Variants in AUTS2 observed in about 807,000 individuals in gnomAD.
The protein encoded by AUTS2 is autism susceptibility gene 2 protein.
AUTS2 carries 17 observed loss-of-function variants against 112.4 expected under a neutral mutation model. The observed-to-expected ratio is 0.15, with a 90% CI of 0.10 to 0.23. The LOEUF (loss-of-function observed/expected upper bound fraction) is 0.23, where lower values mean the gene tolerates loss of function less well. Ranked by LOEUF, AUTS2 falls within the 10% of genes least tolerant of loss-of-function variation. The pLI, the probability that AUTS2 is intolerant of heterozygous loss-of-function variation, is 1.00. For synonymous variants in AUTS2, 751 were observed against 702.7 expected, an observed-to-expected ratio of 1.07 and a Z score of -1.09; for missense variants, 1,510 against 1,701.6, an observed-to-expected ratio of 0.89 and a Z score of 1.98.
At chr7:70,033,363 G>C (rs1264233169) in intron 2 of AUTS2, among the ~76,000 whole-genome samples, 1 of 152,164 alleles carries the variant, frequency 6.6e-6, no homozygotes, top group Non-Finnish European at 1.5e-5. Context: ...CCAACTATGA[G>C]CCATATGGTG....
intron 4 of AUTS2, among the ~76,000 whole-genome samples, chr7:70,418,597 C>T (rs1795087655): frequency 6.6e-6 from 1 of 152,154 alleles, no homozygotes; most frequent in Non-Finnish European, 1.5e-5. Flanking sequence ...GCAGAGAAAT[C>T]CGATCTGAAA....
intron 5 of AUTS2, among the ~76,000 whole-genome samples, chr7:70,585,768 TGA>T (rs1802653677): frequency 6.6e-6 from 1 of 152,196 alleles, no homozygotes; most frequent in South Asian, 2.1e-4. Flanking sequence ...ATGGGACCAG[TGA>T]ATTAGAATCT....
chr7:70,380,294 CAAAAGGGCTT>C (rs1428408466), intron 4 of AUTS2, among the ~76,000 whole-genome samples: 1 of 151,868 alleles, frequency 6.6e-6, no homozygotes, highest in African/African-American at 2.4e-5. Context: ...AAATAGAGAC[CAAAAGGGCTT>C]AAAATTCAGT....
chr7:69,614,376 G>GCTTTCTTTCTTTCTTTCT (rs769423577), intron 1 of AUTS2, among the ~76,000 whole-genome samples: 1 of 64,142 alleles, frequency 1.6e-5, no homozygotes. Context: ...TTTTTTAAGA[G>GCTTTCTTTCTTTCTTTCT]ATGGGATCTC....
chr7:69,758,848 C>T (rs1788048017), intron 1 of AUTS2, among the ~76,000 whole-genome samples: 1 of 152,162 alleles, frequency 6.6e-6, no homozygotes, highest in South Asian at 2.1e-4. Flanking sequence ...TGATCATCAG[C>T]AGCTTTATAT....
intron 2 of AUTS2, among the ~76,000 whole-genome samples, chr7:70,021,957 T>C (rs893769056): frequency 1.3e-5 from 2 of 151,970 alleles, no homozygotes; most frequent in Non-Finnish European, 2.9e-5. Context: ...CATTAATGTC[T>C]GGTTTAGTGT....
chr7:70,438,385 C>G (rs922894526), intron 5 of AUTS2, among the ~76,000 whole-genome samples: 1 of 152,136 alleles, frequency 6.6e-6, no homozygotes, highest in African/African-American at 2.4e-5. Flanking sequence ...TCCTCAGATT[C>G]ATGGCGCACC....
intron 2 of AUTS2, among the ~76,000 whole-genome samples, chr7:69,934,762 T>C (rs145880127): frequency 0.014 from 2,180 of 152,286 alleles, 23 homozygotes; most frequent in Middle Eastern, 0.037. Context: ...TGAGCTCCTC[T>C]GTTCAATCTC....
chr7:70,322,302 A>G (rs1310991924), intron 4 of AUTS2, among the ~76,000 whole-genome samples: 1 of 152,210 alleles, frequency 6.6e-6, no homozygotes, highest in Non-Finnish European at 1.5e-5. Context: ...CAACTGCTAC[A>G]TTGTCCAAAA....
In AUTS2 at chr7:69,960,057, G is replaced by A. The variant is rs539242467; in HGVS notation, c.522+60559G>A. Reference sequence around the variant, plus strand: ...TGTGGGATGCTTTGTCTATTTCTGCGTATCCAGCATGCTTTTAGTGATTTT... The same window carrying A: ...TGTGGGATGCTTTGTCTATTTCTGCATATCCAGCATGCTTTTAGTGATTTT... On this transcript the variant is annotated intron_variant, in intron 2 of 18. Transcript: ENST00000342771. Among the ~76,000 whole-genome samples the A allele has an allele frequency of 1.5e-4, 23 of 152,118 alleles. 2 individuals carry two copies. The South Asian group carries it at 2.1e-3, about 14-fold the overall frequency.
intron 4 of AUTS2, among the ~76,000 whole-genome samples, chr7:70,289,794 A>G (rs1485491442): frequency 6.6e-6 from 1 of 152,250 alleles, no homozygotes; most frequent in Non-Finnish European, 1.5e-5. Context: ...GTCTTCAACC[A>G]TTAGGAGTTA....
intron 2 of AUTS2, among the ~76,000 whole-genome samples, chr7:69,987,273 A>G (rs1798549749): frequency 6.6e-6 from 1 of 152,238 alleles, no homozygotes; most frequent in South Asian, 2.1e-4. Flanking sequence ...TGTAGATTAA[A>G]GACATATGAC....
At chr7:69,618,433 T>A (rs1317961618) in intron 1 of AUTS2, among the ~76,000 whole-genome samples, 1 of 152,160 alleles carries the variant, frequency 6.6e-6, no homozygotes, top group Non-Finnish European at 1.5e-5. Flanking sequence ...TGAGCTGAGT[T>A]TGACTGGAGC....
At chr7:70,224,270 G>A (rs1367166480) in intron 4 of AUTS2, among the ~76,000 whole-genome samples, 1 of 151,936 alleles carries the variant, frequency 6.6e-6, no homozygotes, top group East Asian at 1.9e-4. Context: ...AACTGAGATA[G>A]TGCCACTGCT....
intron 1 of AUTS2, among the ~76,000 whole-genome samples, chr7:69,852,894 A>G (rs1482067889): frequency 2.0e-5 from 3 of 152,104 alleles, no homozygotes; most frequent in African/African-American, 4.8e-5. Flanking sequence ...TGTTTGACCC[A>G]TAGATTATTT....
intron 4 of AUTS2, among the ~76,000 whole-genome samples, chr7:70,414,120 A>G (rs952611416): frequency 8.5e-5 from 13 of 152,170 alleles, no homozygotes; most frequent in Admixed American, 2.6e-4. Flanking sequence ...GAATAATTCT[A>G]CCTACCTTGT....
intron 4 of AUTS2, among the ~76,000 whole-genome samples, chr7:70,287,322 C>T (rs1788505670): frequency 6.6e-6 from 1 of 152,116 alleles, no homozygotes; most frequent in South Asian, 2.1e-4. Flanking sequence ...GACTTGTGGT[C>T]CTTGGCCCAG....
chr7:70,383,977 C>G (rs925674440), intron 4 of AUTS2, among the ~76,000 whole-genome samples: 7 of 152,204 alleles, frequency 4.6e-5, no homozygotes, highest in Non-Finnish European at 1.0e-4. Context: ...CAACTTCCAG[C>G]CACTTGCATT....
At chr7:70,589,836 C>G (rs1003299488) in intron 5 of AUTS2, among the ~76,000 whole-genome samples, 1 of 152,166 alleles carries the variant, frequency 6.6e-6, no homozygotes, top group Non-Finnish European at 1.5e-5. Flanking sequence ...AAGGTTGAGA[C>G]CAGGTTTGTT....
Sources: gnomAD v4.1 joint callset for allele counts (sites outside exome capture counted in the v4.1 genomes callset) on GRCh38, gnomAD v4.1.1 for gene constraint, MANE v1.5 for transcripts, NCBI Gene and HGNC (gene_info 2026-07-23, HGNC 2026-07-21) for gene names.